MAN2A1: variants seen among roughly 807,000 people sequenced by gnomAD.
The protein encoded by MAN2A1 is alpha-mannosidase 2.
In MAN2A1, 76 loss-of-function variants were observed where a neutral mutation model predicts 142.6. The observed-to-expected ratio is 0.53, with a 90% CI of 0.44 to 0.65. The LOEUF (loss-of-function observed/expected upper bound fraction) is 0.65, where lower values mean the gene tolerates loss of function less well. Among genes scored for constraint, MAN2A1 ranks in the 30% least tolerant of loss-of-function variants. MAN2A1 has a pLI of 0.00. For missense variants in MAN2A1, 1,311 were observed against 1,365.1 expected (o/e 0.96, Z 0.62); for synonymous variants, 559 against 473.2 (o/e 1.18, Z -2.35).
intron 4 of MAN2A1, among the ~76,000 whole-genome samples, chr5:109,731,360 T>C (rs1008102161): frequency 1.7e-5 from 2 of 119,706 alleles, no homozygotes; most frequent in Non-Finnish European, 3.5e-5. Context: ...GTGTTTCTTT[T>C]TTTTATTATT....
intron 20 of MAN2A1, among the ~76,000 whole-genome samples, chr5:109,860,134 T>C (rs1457141027): frequency 6.6e-6 from 1 of 152,110 alleles, no homozygotes; most frequent in African/African-American, 2.4e-5. Context: ...TTATTTGTCT[T>C]TCTTATAAGA....
intron 6 of MAN2A1, among the ~76,000 whole-genome samples, chr5:109,769,827 C>T (rs1753092487): frequency 6.6e-6 from 1 of 152,210 alleles, no homozygotes; most frequent in African/African-American, 2.4e-5. Context: ...ATCCTCTCCT[C>T]ACCATAAGAG....
rs752102569 is a variant in MAN2A1, at chr5:109,842,420, A to G, written c.2659A>G (p.Lys887Glu). ...EIAMKISSDI[K>E]SQNRFYTDLN... is the part of the protein sequence containing the mutation. ...TGCAATGAAAATTTCTTCTGATATA[A>G]AAAGCCAAAATAGATTTTATACTGA... Residue 887 changes from lysine to glutamate, a missense_variant, in exon 17 of 22, where the codon AAA (lysine) becomes GAA (glutamate). Physicochemically the swap from Lys to Glu is moderately conservative, Grantham distance 56. Around this residue, in one of 3 missense-constraint regions of MAN2A1, gnomAD observed 890 missense variants for 920.5 expected, o/e 0.97. Transcript: ENST00000261483. 7 of 1,587,810 alleles carry G rather than the reference A, an allele frequency of 4.4e-6. No individual in the cohort carries two copies. In the South Asian group the frequency reaches 7.8e-5, roughly 18 times the overall value.
At chr5:109,839,710 C>A (rs1439202935) in intron 16 of MAN2A1, among the ~76,000 whole-genome samples, 2 of 146,364 alleles carry the variant, frequency 1.4e-5, no homozygotes, top group African/African-American at 5.1e-5. Flanking sequence ...AGATGGTACT[C>A]ATAATAGTTT....
chr5:109,699,083 T>C (rs1183933612), intron 1 of MAN2A1, among the ~76,000 whole-genome samples: 2 of 152,238 alleles, frequency 1.3e-5, no homozygotes, highest in Non-Finnish European at 2.9e-5. Context: ...TTCTGTTTGA[T>C]ATACATTAAC....
intron 10 of MAN2A1, among the ~76,000 whole-genome samples, chr5:109,786,153 G>A (rs1753590062): frequency 6.6e-6 from 1 of 151,958 alleles, no homozygotes; most frequent in African/African-American, 2.4e-5. Context: ...CACCTGTCGA[G>A]GTTGATCTGG....
intron 4 of MAN2A1, among the ~76,000 whole-genome samples, chr5:109,752,454 C>T (rs560480096): frequency 2.0e-5 from 3 of 152,342 alleles, no homozygotes; most frequent in Admixed American, 6.5e-5. Context: ...GACGTGCCAA[C>T]GTGAACAAAA....
At chr5:109,763,997 T>C (rs1484389093) in intron 5 of MAN2A1, among the ~76,000 whole-genome samples, 2 of 151,854 alleles carry the variant, frequency 1.3e-5, no homozygotes, top group African/African-American at 2.4e-5. Flanking sequence ...GACAGGGTTT[T>C]ACCATGTTGG....
intron 12 of MAN2A1, among the ~76,000 whole-genome samples, chr5:109,805,859 G>A (rs184572879): frequency 8.2e-4 from 125 of 152,280 alleles, no homozygotes; most frequent in African/African-American, 3.0e-3. Context: ...CAGTAACTGG[G>A]ACATAAGATA....
At chr5:109,757,905 G>A (rs563756607) in intron 5 of MAN2A1, among the ~76,000 whole-genome samples, 321 of 152,204 alleles carry the variant, frequency 2.1e-3, no homozygotes, top group Non-Finnish European at 2.8e-3. Flanking sequence ...ATAATATTCT[G>A]TTGTATGGAT....
chr5:109,799,028 C>G (rs1042729779), intron 12 of MAN2A1, among the ~76,000 whole-genome samples: 10 of 151,982 alleles, frequency 6.6e-5, no homozygotes, highest in African/African-American at 2.4e-4. Flanking sequence ...AATTTGTCCT[C>G]TTCATCTTCA....
At chr5:109,866,230 T>C (rs1044693049) in intron 21 of MAN2A1, among the ~76,000 whole-genome samples, 13 of 148,852 alleles carry the variant, frequency 8.7e-5, no homozygotes, top group Admixed American at 7.4e-4. Context: ...CATTCTGACA[T>C]TAAGGCCTTG....
At chr5:109,750,066 T>C (rs767762524) in intron 4 of MAN2A1, among the ~76,000 whole-genome samples, 6 of 152,046 alleles carry the variant, frequency 3.9e-5, no homozygotes, top group Non-Finnish European at 7.4e-5. Flanking sequence ...TCCAGACATA[T>C]TGTTTCTGTT....
intron 5 of MAN2A1, among the ~76,000 whole-genome samples, chr5:109,757,604 A>G (rs1262407834): frequency 2.6e-5 from 4 of 152,194 alleles, no homozygotes; most frequent in Non-Finnish European, 5.9e-5. Flanking sequence ...ACATAAATTC[A>G]TAGATTTGTG....
intron 15 of MAN2A1, among the ~76,000 whole-genome samples, chr5:109,823,452 T>G (rs1205067015): frequency 2.0e-5 from 3 of 152,188 alleles, no homozygotes; most frequent in Non-Finnish European, 4.4e-5. Context: ...TAGAAGGATT[T>G]TAGTTAGAAA....
intron 4 of MAN2A1, among the ~76,000 whole-genome samples, chr5:109,736,646 G>A (rs1475396284): frequency 1.3e-5 from 2 of 152,108 alleles, no homozygotes; most frequent in Non-Finnish European, 2.9e-5. Flanking sequence ...TTTATCCCAT[G>A]TGTAGTTATT....
chr5:109,759,268 G>A (rs1458975039), intron 5 of MAN2A1, among the ~76,000 whole-genome samples: 1 of 151,982 alleles, frequency 6.6e-6, no homozygotes, highest in Non-Finnish European at 1.5e-5. Flanking sequence ...CAGTGTAAAA[G>A]TCCTGTACTT....
chr5:109,766,391 A>G (rs1752990439), intron 5 of MAN2A1, among the ~76,000 whole-genome samples: 1 of 152,194 alleles, frequency 6.6e-6, no homozygotes, highest in South Asian at 2.1e-4. Flanking sequence ...GAAATGCACA[A>G]ATCTTATGTG....
intron 12 of MAN2A1, among the ~76,000 whole-genome samples, chr5:109,805,577 C>T (rs531949495): frequency 3.3e-5 from 5 of 152,244 alleles, no homozygotes; most frequent in Admixed American, 6.5e-5. Context: ...CTGGAATTTC[C>T]GGAGCACAGT....
Sources: gnomAD v4.1 joint callset for allele counts (sites outside exome capture counted in the v4.1 genomes callset) on GRCh38, gnomAD v4.1.1 for gene constraint, gnomAD v4.1.1 regional missense constraint, MANE v1.5 for transcripts, NCBI Gene and HGNC (gene_info 2026-07-23, HGNC 2026-07-21) for gene names.